The following ANO2 variants were observed in gnomAD, a reference collection of about 807,000 sequenced individuals.
ANO2 encodes the protein anoctamin 2.
ANO2 carries 101 observed loss-of-function variants against 124.2 expected under a neutral mutation model. The ratio of observed to expected loss-of-function variants is 0.81; its 90% CI spans 0.69 to 0.96. The LOEUF (loss-of-function observed/expected upper bound fraction) is 0.96, where lower values mean the gene tolerates loss of function less well. ANO2 is among the 40% of genes least tolerant of loss of function. ANO2 has a pLI of 0.00. For missense variants in ANO2, 1,293 were observed against 1,274.5 expected, an observed-to-expected ratio of 1.01 and a Z score of -0.22; for synonymous variants, 486 against 482.5, an observed-to-expected ratio of 1.01 and a Z score of -0.09.
At chr12:5,713,272 T>C (rs1390593809) in intron 14 of ANO2, among the ~76,000 whole-genome samples, 1 of 152,200 alleles carries the variant, frequency 6.6e-6, no homozygotes, top group Admixed American at 6.5e-5. Flanking sequence ...AGCTCCAAAG[T>C]TTCTGGTGTA....
intron 14 of ANO2, among the ~76,000 whole-genome samples, chr12:5,667,905 A>G (rs1179834148): frequency 6.6e-6 from 1 of 152,250 alleles, no homozygotes; most frequent in Non-Finnish European, 1.5e-5. Context: ...ATGGCTGCAT[A>G]GTATTCCATG....
At position 5,575,995 on chromosome 12, in the gene ANO2, G is replaced by A. The variant is rs1380506471; in HGVS notation, c.2460C>T (p.Thr820=). The A allele has an allele frequency of 6.2e-7, 1 of 1,608,940 alleles. No homozygotes were observed. Residue 820 remains threonine, a synonymous_variant, in exon 23 of 25, where the codon ACC becomes ACT. Transcript: ENST00000682330. ...ACACCAGGCGGGGGATAAAGTCGGA[G>A]GTGATCGCAATGACAAAAGCCTGAG... ...VISNAFVIAI[T]SDFIPRLVYQ...
At chr12:5,797,306 C>T (rs1036808696) in intron 10 of ANO2, among the ~76,000 whole-genome samples, 2 of 152,110 alleles carry the variant, frequency 1.3e-5, no homozygotes, top group African/African-American at 4.8e-5. Flanking sequence ...GAAGAAGAAT[C>T]CCCAAGACTC....
chr12:5,766,633 G>A (rs1951898269), intron 10 of ANO2, among the ~76,000 whole-genome samples: 1 of 152,172 alleles, frequency 6.6e-6, no homozygotes, highest in South Asian at 2.1e-4. Context: ...GGAAGATGCA[G>A]GAAGCTGTAT....
chr12:5,662,124 T>C (rs1240579134), intron 14 of ANO2, among the ~76,000 whole-genome samples: 1 of 152,248 alleles, frequency 6.6e-6, no homozygotes, highest in Non-Finnish European at 1.5e-5. Context: ...TCGCAGTTGT[T>C]CAGGGAGTAA....
At chr12:5,907,084 T>C (rs1940753163) in intron 3 of ANO2, among the ~76,000 whole-genome samples, 2 of 152,230 alleles carry the variant, frequency 1.3e-5, no homozygotes, top group African/African-American at 4.8e-5. Context: ...TTAACCTCTC[T>C]GATGCTAGCT....
At chr12:5,661,833 C>T (rs188531516) in intron 14 of ANO2, among the ~76,000 whole-genome samples, 1 of 152,348 alleles carries the variant, frequency 6.6e-6, no homozygotes. Context: ...AACTACCCCT[C>T]CCTCGCTGTT....
At chr12:5,921,389 C>T in intron 2 of ANO2, 23 bp from the exon 3 acceptor site, 2 of 1,606,646 alleles carry the variant, frequency 1.2e-6, no homozygotes, top group African/African-American at 1.3e-5. Context: ...AGAGGAGAGG[C>T]AGGGCAAGGT....
At chr12:5,852,265 G>T (rs1453854946) in intron 4 of ANO2, among the ~76,000 whole-genome samples, 3 of 152,164 alleles carry the variant, frequency 2.0e-5, no homozygotes, top group East Asian at 3.9e-4. Flanking sequence ...GCGGTATTAG[G>T]AGTGAGAGGA....
chr12:5,582,177 G>C (rs1942792021), intron 20 of ANO2, among the ~76,000 whole-genome samples: 1 of 152,226 alleles, frequency 6.6e-6, no homozygotes, highest in Non-Finnish European at 1.5e-5. Context: ...ATAGAAGCCA[G>C]CTCGGCCTGA....
At chr12:5,661,795 C>A (rs982258193) in intron 14 of ANO2, among the ~76,000 whole-genome samples, 1 of 152,196 alleles carries the variant, frequency 6.6e-6, no homozygotes, top group South Asian at 2.1e-4. Context: ...AAATGCTTCA[C>A]GGGCAATGCT....
intron 16 of ANO2, among the ~76,000 whole-genome samples, chr12:5,621,141 C>T (rs554848709): frequency 1.3e-5 from 2 of 152,200 alleles, no homozygotes; most frequent in East Asian, 3.9e-4. Flanking sequence ...TGAACCCTCG[C>T]GCTCGCCACA....
intron 10 of ANO2, among the ~76,000 whole-genome samples, chr12:5,753,444 G>A (rs1482866507): frequency 6.6e-6 from 1 of 152,198 alleles, no homozygotes; most frequent in Non-Finnish European, 1.5e-5. Flanking sequence ...GAACAAAAGG[G>A]AGGGCAGCTT....
At chr12:5,732,926 T>C in intron 13 of ANO2, 1 of 1,611,866 alleles carries the variant, frequency 6.2e-7, no homozygotes, top group Non-Finnish European at 8.5e-7. Context: ...GTTAACTGGA[T>C]GGCTGATACG....
intron 4 of ANO2, among the ~76,000 whole-genome samples, chr12:5,842,301 A>T (rs937218338): frequency 2.6e-5 from 4 of 152,174 alleles, no homozygotes; most frequent in Admixed American, 6.5e-5. Flanking sequence ...GTGTATGGTA[A>T]TACTCAATAA....
chr12:5,646,041 T>C (rs1325310655), intron 15 of ANO2, among the ~76,000 whole-genome samples: 1 of 152,198 alleles, frequency 6.6e-6, no homozygotes, highest in African/African-American at 2.4e-5. Flanking sequence ...AAAGGGTGTG[T>C]ATAGTTCAGT....
chr12:5,751,053 G>T, intron 10 of ANO2, 83 bp from the exon 11 acceptor site: 1 of 1,368,262 alleles, frequency 7.3e-7, no homozygotes, highest in South Asian at 1.5e-5. Flanking sequence ...ATGCCTAAGG[G>T]TGGGTCAACA....
At chr12:5,663,742 G>A (rs1195418413) in intron 14 of ANO2, among the ~76,000 whole-genome samples, 2 of 152,178 alleles carry the variant, frequency 1.3e-5, no homozygotes, top group African/African-American at 2.4e-5. Context: ...TCCCTAGTGA[G>A]TGCTGAGTTC....
intron 14 of ANO2, among the ~76,000 whole-genome samples, chr12:5,728,897 G>C (rs1465603034): frequency 6.6e-6 from 1 of 152,188 alleles, no homozygotes; most frequent in Non-Finnish European, 1.5e-5. Flanking sequence ...GAAACAGTCT[G>C]TTCAACAAAT....
Sources: allele counts gnomAD v4.1 joint callset (sites outside exome capture counted in the v4.1 genomes callset), GRCh38; gene constraint gnomAD v4.1.1; transcripts MANE v1.5; gene names NCBI Gene and HGNC (gene_info 2026-07-23, HGNC 2026-07-21).